The following DYNC2I1 variants were observed in gnomAD, a reference collection of about 807,000 sequenced individuals.
DYNC2I1 encodes the protein cytoplasmic dynein 2 intermediate chain 1.
Under a neutral mutation model 133.4 loss-of-function variants are expected in DYNC2I1, and 89 were observed. The observed-to-expected ratio is 0.67, with a 90% confidence interval of 0.56 to 0.80. The LOEUF (loss-of-function observed/expected upper bound fraction) is 0.80, where lower values mean the gene tolerates loss of function less well. DYNC2I1 is among the 30% of genes least tolerant of loss of function. The pLI is 0.00. For synonymous variants in DYNC2I1, 504 were observed against 484.3 expected, an observed-to-expected ratio of 1.04 and a Z score of -0.54; for missense variants, 1,291 against 1,314.5, an observed-to-expected ratio of 0.98 and a Z score of 0.28.
chr7:158,901,921 T>C (rs760397501), intron 9 of DYNC2I1, 105 bp downstream of exon 9: 9 of 860,840 alleles, frequency 1.0e-5, no homozygotes, highest in Non-Finnish European at 1.6e-5. Flanking sequence ...TTATTAATCC[T>C]AATACTCAAT....
chr7:158,927,255 TG>T (rs1849716388), intron 20 of DYNC2I1, among the ~76,000 whole-genome samples: 1 of 151,536 alleles, frequency 6.6e-6, no homozygotes, highest in African/African-American at 2.4e-5. Context: ...ATTCAAAAAT[TG>T]GCTGGGCGTG....
In DYNC2I1 at chr7:158,923,449, C is replaced by A. The variant is rs538095592; in HGVS notation, c.2095-122C>A. 7.7e-6 allele frequency: 10 copies of A among 1,291,270 alleles called. No homozygotes were observed. In the South Asian group the frequency reaches 1.1e-4, roughly 14 times the overall value. The allele number at this position is 1,291,270 out of a possible 1,614,324, so 80.0% of individuals were successfully genotyped here. ...AGGAGTCTACGTTCTGCTTACTGGG[C>A]CCTGCAGGTGACTCCCGTGCAAAGT... On this transcript the variant is annotated intron_variant, in intron 16 of 24. Transcript: ENST00000407559.
intron 16 of DYNC2I1, 22 bp from the exon 17 acceptor site, chr7:158,923,549 T>C: frequency 6.2e-7 from 1 of 1,614,038 alleles, no homozygotes; most frequent in Non-Finnish European, 8.5e-7. Context: ...TGTCATTGGC[T>C]TTCTGTGCCT....
intron 6 of DYNC2I1, among the ~76,000 whole-genome samples, chr7:158,886,422 C>T (rs1844610403): frequency 6.6e-6 from 1 of 152,110 alleles, no homozygotes; most frequent in Non-Finnish European, 1.5e-5. Flanking sequence ...GTGTGAGCCA[C>T]TGCGCCCGGC....
chr7:158,905,444 T>G (rs1351948728), intron 10 of DYNC2I1, among the ~76,000 whole-genome samples: 1 of 152,220 alleles, frequency 6.6e-6, no homozygotes, highest in Non-Finnish European at 1.5e-5. Flanking sequence ...TCTGGCCAAG[T>G]TGTTCATTCT....
At chr7:158,923,543 A>G (rs897725918) in intron 16 of DYNC2I1, 28 bp from the exon 17 acceptor site, 30 of 1,613,828 alleles carry the variant, frequency 1.9e-5, no homozygotes, top group Non-Finnish European at 2.4e-5. Flanking sequence ...TTCTTCTGTC[A>G]TTGGCTTTCT....
At chr7:158,912,553 G>T (rs902152570) in intron 12 of DYNC2I1, among the ~76,000 whole-genome samples, 1 of 152,006 alleles carries the variant, frequency 6.6e-6, no homozygotes, top group Non-Finnish European at 1.5e-5. Context: ...TGAACTCCTC[G>T]GACACTGACA....
At chr7:158,910,179 T>G (rs1279226122) in intron 11 of DYNC2I1, among the ~76,000 whole-genome samples, 1 of 152,224 alleles carries the variant, frequency 6.6e-6, no homozygotes, top group Non-Finnish European at 1.5e-5. Flanking sequence ...AGGGTGAAAC[T>G]TAGGAAAGGA....
chr7:158,910,947 T>TG (rs1392808320), intron 11 of DYNC2I1, among the ~76,000 whole-genome samples: 1 of 147,104 alleles, frequency 6.8e-6, no homozygotes, highest in Non-Finnish European at 1.5e-5. Flanking sequence ...GTCAGGCTTG[T>TG]GGGCCAAGGG....
intron 1 of DYNC2I1, chr7:158,869,421 T>C (rs1842683562): frequency 8.5e-6 from 4 of 470,526 alleles, no homozygotes; most frequent in Non-Finnish European, 1.8e-5. Context: ...CATGATACCT[T>C]CTGTCCTGGG....
intron 4 of DYNC2I1, among the ~76,000 whole-genome samples, chr7:158,956,302 C>T (rs534445156): frequency 1.1e-3 from 165 of 152,320 alleles, no homozygotes; most frequent in Middle Eastern, 3.4e-3. Context: ...GTGTGGGGAC[C>T]CAGGCCTCCT....
intron 1 of DYNC2I1, among the ~76,000 whole-genome samples, chr7:158,861,010 C>T (rs1195621753): frequency 3.3e-5 from 5 of 152,202 alleles, no homozygotes; most frequent in Admixed American, 2.6e-4. Context: ...TGATTCTTGA[C>T]GAAAGTTTAA....
At chr7:158,841,448 G>A in the DYNC2I1 span, among the ~76,000 whole-genome samples, 1 of 151,802 alleles carries the variant, frequency 6.6e-6, no homozygotes, top group Non-Finnish European at 1.5e-5. Flanking sequence ...CCTGACCTCA[G>A]GTGATTCGCC....
chr7:158,934,365 C>G (rs1042563912), intron 22 of DYNC2I1, 53 bp from the exon 23 acceptor site: 1 of 1,577,856 alleles, frequency 6.3e-7, no homozygotes, highest in Admixed American at 1.9e-5. Context: ...TAGCTGTATC[C>G]AATCTCGTGT....
chr7:158,862,071 G>T (rs78160384), intron 1 of DYNC2I1, among the ~76,000 whole-genome samples: 6 of 152,152 alleles, frequency 3.9e-5, no homozygotes, highest in Admixed American at 6.5e-5. Flanking sequence ...CTTAGCGTGC[G>T]CCCTAGTTTG....
intron 1 of DYNC2I1, among the ~76,000 whole-genome samples, chr7:158,863,888 A>G (rs1446374793): frequency 1.5e-5 from 1 of 67,606 alleles, no homozygotes; most frequent in Non-Finnish European, 2.7e-5. Flanking sequence ...GGACGTCCTT[A>G]GCTCCGTGTG....
intron 23 of DYNC2I1, among the ~76,000 whole-genome samples, chr7:158,939,849 A>G (rs1191637732): frequency 6.6e-6 from 1 of 152,214 alleles, no homozygotes; most frequent in African/African-American, 2.4e-5. Flanking sequence ...CTACAAATCA[A>G]AGACTGTAAA....
intron 6 of DYNC2I1, among the ~76,000 whole-genome samples, chr7:158,886,257 G>T (rs1033035650): frequency 6.6e-6 from 1 of 151,672 alleles, no homozygotes; most frequent in Non-Finnish European, 1.5e-5. Context: ...TCAGCCTCCT[G>T]AGTAGCTGGG....
intron 4 of DYNC2I1, among the ~76,000 whole-genome samples, chr7:158,879,237 TGAG>T (rs1159271585): frequency 6.6e-6 from 1 of 152,030 alleles, no homozygotes; most frequent in Non-Finnish European, 1.5e-5. Flanking sequence ...ACAGTGGAAT[TGAG>T]GAGTGAAGGG....
Sources: allele counts gnomAD v4.1 joint callset (sites outside exome capture counted in the v4.1 genomes callset), GRCh38; gene constraint gnomAD v4.1.1; transcripts MANE v1.5; gene names NCBI Gene and HGNC (gene_info 2026-07-23, HGNC 2026-07-21).